The following CLIC6 variants were observed in gnomAD, a reference collection of about 807,000 sequenced individuals.
The protein encoded by CLIC6 is CLIC family member 6.
A neutral mutation model predicts 49.2 loss-of-function variants in CLIC6; 39 were observed. The ratio of observed to expected loss-of-function variants is 0.79; its 90% CI spans 0.61 to 1.04. The LOEUF is 1.04. Among genes scored for constraint, CLIC6 ranks in the 50% least tolerant of loss-of-function variants. The pLI is 0.00. For missense variants in CLIC6, 988 were observed against 993.1 expected (o/e 0.99, Z 0.07); for synonymous variants, 446 against 433.4 (o/e 1.03, Z -0.36).
At chr21:34,700,378 C>T (rs1423581733) in intron 1 of CLIC6, among the ~76,000 whole-genome samples, 5 of 129,544 alleles carry the variant, frequency 3.9e-5, no homozygotes, top group Non-Finnish European at 8.0e-5. Flanking sequence ...ACCCGGGAGG[C>T]GGAGCTTGCA....
In CLIC6 at chr21:34,670,388, G is replaced by A; in HGVS notation, c.1000G>A (p.Ala334Thr). 6.9e-7 allele frequency: 1 copy of A among 1,456,200 alleles called. No homozygotes were observed. The highest frequency in any genetic ancestry group is 9.0e-7 in the Non-Finnish European group (1 of 1,105,354). 90.2% of individuals were successfully genotyped at this position (1,456,200 alleles called of 1,614,324 possible). A position where few individuals can be genotyped will look rare whatever the true frequency, so the allele number is the denominator to read the frequency against. ...GELAWDAAEE[A>T]EVPGVKGSEE... is the part of the protein sequence containing the mutation. ...GCTCGCCTGGGACGCAGCGGAGGAG[G>A]CGGAGGTCCCGGGGGTAAAGGGGTC... The change falls in exon 1 of 6, where the codon GCG (alanine) becomes ACG (threonine). Residue 334 changes from alanine to threonine, a missense_variant. Ala to Thr is a moderately conservative substitution (Grantham distance 58). Coordinates refer to ENST00000349499, the MANE Select transcript of CLIC6 (RefSeq NM_053277.3).
At chr21:34,673,988 A>G (rs1312487674) in intron 1 of CLIC6, among the ~76,000 whole-genome samples, 1 of 152,224 alleles carries the variant, frequency 6.6e-6, no homozygotes, top group Non-Finnish European at 1.5e-5. Flanking sequence ...TGGAATTCAC[A>G]GCTGGGTTTA....
chr21:34,696,180 C>G (rs985160453), intron 1 of CLIC6, among the ~76,000 whole-genome samples: 9 of 136,706 alleles, frequency 6.6e-5, no homozygotes, highest in Non-Finnish European at 1.3e-4. Context: ...GACTAGAGAC[C>G]CCCCCCATCC....
At position 34,717,045 on chromosome 21, in the gene CLIC6, T is replaced by C. The variant is rs1338986143; in HGVS notation, c.*563T>C. On this transcript the variant is annotated 3_prime_UTR_variant, in exon 6 of 6. Coordinates refer to ENST00000349499, the MANE Select transcript of CLIC6 (RefSeq NM_053277.3). ...CAGTGCCAGAGAAGATGCTTGAGGT[T>C]AGATTTTAAGGAGTGGGGAATTGTG... 1.3e-5 allele frequency: 2 copies of C among 152,260 alleles called. No individual in the cohort carries two copies. Among genetic ancestry groups the C allele is most frequent in the Non-Finnish European group, 2.9e-5 (2 of 68,108 alleles). The allele number at this position is 152,260 out of a possible 1,614,324, so 9.4% of individuals were successfully genotyped here. A position where few individuals can be genotyped will look rare whatever the true frequency, so the allele number is the denominator to read the frequency against.
At chr21:34,697,792 A>G (rs1300601531) in intron 1 of CLIC6, among the ~76,000 whole-genome samples, 1 of 152,130 alleles carries the variant, frequency 6.6e-6, no homozygotes, top group Non-Finnish European at 1.5e-5. Flanking sequence ...AGCTGGGGAG[A>G]CATTTGGGGA....
chr21:34,677,645 A>G (rs1989697943), intron 1 of CLIC6, among the ~76,000 whole-genome samples: 1 of 152,180 alleles, frequency 6.6e-6, no homozygotes, highest in Admixed American at 6.5e-5. Flanking sequence ...CAAGTAGGAA[A>G]CTAAAGGGAA....
rs574967927 is a variant in CLIC6 at position 34,694,590 on chromosome 21, T to C, written c.1375-12690T>C. ...TGCTCTCTTCCTCCTTCTCCAGCCA[T>C]GTAGGATGTGCCTGCTTCCCCTTCA... On this transcript the variant is annotated intron_variant, in intron 1 of 5. Coordinates refer to ENST00000349499, the MANE Select transcript of CLIC6 (RefSeq NM_053277.3). Among the ~76,000 whole-genome samples the C allele has an allele frequency of 2.8e-3, 420 of 152,282 alleles. 4 individuals are homozygous for C. The highest frequency in any genetic ancestry group is 9.7e-3 in the African/African-American group (401 of 41,548).
At chr21:34,698,308 CTGAAGGA>C (rs1322077253) in intron 1 of CLIC6, among the ~76,000 whole-genome samples, 1 of 151,978 alleles carries the variant, frequency 6.6e-6, no homozygotes, top group African/African-American at 2.4e-5. Flanking sequence ...CTGTCCTGCT[CTGAAGGA>C]ATGTCACCTA....
chr21:34,672,806 T>C (rs1408446988), intron 1 of CLIC6, among the ~76,000 whole-genome samples: 1 of 152,230 alleles, frequency 6.6e-6, no homozygotes, highest in Non-Finnish European at 1.5e-5. Context: ...GGTATCATTG[T>C]GGTCTCATTG....
chr21:34,705,641 C>T (rs1168812406), intron 1 of CLIC6, among the ~76,000 whole-genome samples: 1 of 152,130 alleles, frequency 6.6e-6, no homozygotes, highest in Admixed American at 6.5e-5. Context: ...AGCTTAGGGA[C>T]TCTGAATTCA....
At chr21:34,696,874 T>G (rs1280541204) in intron 1 of CLIC6, among the ~76,000 whole-genome samples, 1 of 152,032 alleles carries the variant, frequency 6.6e-6, no homozygotes, top group Non-Finnish European at 1.5e-5. Flanking sequence ...GAATGAGAAT[T>G]GGGGGCATGT....
At position 34,707,260 on chromosome 21, in the gene CLIC6, A is replaced by G. The variant is rs1324089351; in HGVS notation, c.1375-20A>G. The G allele has an allele frequency of 6.3e-7, 1 of 1,575,670 alleles. No homozygotes were observed. Among genetic ancestry groups the G allele is most frequent in the Non-Finnish European group, 8.7e-7 (1 of 1,145,234 alleles). The stretch of plus-strand genomic sequence containing the variant: ...AATTGTGAGACTGGCTCAGATAGAA[A>G]TCTCCTTCTCCACTTGTAGGCTGGT... On this transcript the variant is annotated intron_variant, in intron 1 of 5. Transcript: ENST00000349499.
intron 5 of CLIC6, 67 bp from the exon 6 acceptor site, chr21:34,716,254 A>T: frequency 7.6e-7 from 1 of 1,309,984 alleles, no homozygotes; most frequent in Non-Finnish European, 1.1e-6. Flanking sequence ...AGAAGAATGG[A>T]CTGTCTGACT....
intron 1 of CLIC6, among the ~76,000 whole-genome samples, chr21:34,675,579 T>C (rs1324266374): frequency 6.6e-6 from 1 of 152,194 alleles, no homozygotes; most frequent in Non-Finnish European, 1.5e-5. Context: ...ATTACACATA[T>C]GAAATCAGTA....
intron 3 of CLIC6, among the ~76,000 whole-genome samples, 156 bp downstream of exon 3, chr21:34,708,225 C>T (rs190852940): frequency 3.3e-5 from 5 of 152,204 alleles, no homozygotes; most frequent in East Asian, 1.9e-4. Context: ...GATTAGAGTT[C>T]GGGGACCTGG....
chr21:34,674,687 GTT>G (rs1352414051), intron 1 of CLIC6, among the ~76,000 whole-genome samples: 2 of 152,146 alleles, frequency 1.3e-5, no homozygotes, highest in African/African-American at 4.8e-5. Context: ...TTTTAGTTTT[GTT>G]TTCTCAAAGA....
intron 1 of CLIC6, among the ~76,000 whole-genome samples, chr21:34,703,158 C>T (rs1293232879): frequency 6.6e-6 from 1 of 152,128 alleles, no homozygotes; most frequent in African/African-American, 2.4e-5. Flanking sequence ...CCTGCCTCCT[C>T]GGTTGAAAGC....
rs946003655 is a variant in CLIC6, at chr21:34,700,899, G to T, written c.1375-6381G>T. 7.9e-5 allele frequency among the ~76,000 whole-genome samples: 11 copies of T among 139,692 alleles called. 2 individuals are homozygous for T. Among genetic ancestry groups the T allele is most frequent in the African/African-American group, 2.9e-4 (10 of 35,072 alleles). The allele number at this position is 139,692 out of a possible 152,430, so 91.6% of individuals were successfully genotyped here. A position where few individuals can be genotyped will look rare whatever the true frequency, so the allele number is the denominator to read the frequency against. The stretch of plus-strand genomic sequence containing the variant: ...GCCCTTCTCTGGACCTTTCACAAGA[G>T]GTTTGTCTGGCTCCTAGATACGAAT... On this transcript the variant is annotated intron_variant, in intron 1 of 5. Transcript: ENST00000349499.
rs2056097436 is a variant in CLIC6 at position 34,718,009 on chromosome 21, G to C, written c.*1527G>C. On this transcript the variant is annotated 3_prime_UTR_variant, in exon 6 of 6. Transcript: ENST00000349499. ...TGTCAACCATACGTTTTTGGAGATTGGGTCTAGCACATGTCACCCTTGTCC... is the reference window on the plus strand; with the variant it reads ...TGTCAACCATACGTTTTTGGAGATTCGGTCTAGCACATGTCACCCTTGTCC... The C allele has an allele frequency of 6.6e-6, 1 of 152,608 alleles. No individual in the cohort carries two copies. The highest frequency in any genetic ancestry group is 2.1e-4 in the South Asian group (1 of 4,824). The allele number at this position is 152,608 out of a possible 1,614,324, so 9.5% of individuals were successfully genotyped here.
Sources: allele counts gnomAD v4.1 joint callset (sites outside exome capture counted in the v4.1 genomes callset), GRCh38; gene constraint gnomAD v4.1.1; transcripts MANE v1.5; gene names NCBI Gene and HGNC (gene_info 2026-07-23, HGNC 2026-07-21).